Variants in CHID1 observed in about 807,000 individuals in gnomAD.
The protein encoded by CHID1 is chitinase domain containing 1.
A neutral mutation model predicts 55.4 loss-of-function variants in CHID1; 44 were observed. The observed-to-expected ratio is 0.79, with a 90% CI of 0.62 to 1.02. The LOEUF (loss-of-function observed/expected upper bound fraction) is 1.02, where lower values mean the gene tolerates loss of function less well. Among genes scored for constraint, CHID1 ranks in the 50% least tolerant of loss-of-function variants. CHID1 has a pLI of 0.00. For synonymous variants in CHID1, 216 were observed against 212.9 expected (o/e 1.01, Z -0.13); for missense variants, 491 against 515.3 (o/e 0.95, Z 0.46).
intron 7 of CHID1, among the ~76,000 whole-genome samples, chr11:896,380 A>ATG (rs1851291712): frequency 2.7e-5 from 2 of 75,258 alleles, no homozygotes; most frequent in Non-Finnish European, 2.5e-5. Flanking sequence ...TAGACACAAC[A>ATG]AGCCTGTCTC....
chr11:909,408 A>AC (rs1480029420), intron 1 of CHID1, among the ~76,000 whole-genome samples: 1 of 152,152 alleles, frequency 6.6e-6, no homozygotes, highest in Non-Finnish European at 1.5e-5. Context: ...GGTCCCAGAA[A>AC]CCGCTCTGTA....
At chr11:904,029 C>T (rs758308055) in intron 2 of CHID1, among the ~76,000 whole-genome samples, 4 of 152,218 alleles carry the variant, frequency 2.6e-5, no homozygotes, top group Non-Finnish European at 5.9e-5. Context: ...GCCCCTACTC[C>T]ACCTCTGCTC....
chr11:892,935 C>T (rs1195055059), intron 8 of CHID1, among the ~76,000 whole-genome samples: 1 of 152,224 alleles, frequency 6.6e-6, no homozygotes, highest in South Asian at 2.1e-4. Flanking sequence ...TCTGTGAGTC[C>T]CTCTAGCCAA....
Position 883,135 on chromosome 11 carries a change from G to A in CHID1, c.959+13C>T. 1 of 1,606,360 alleles carries A rather than the reference G, an allele frequency of 6.2e-7. No individual in the cohort carries two copies. The highest frequency in any genetic ancestry group is 8.5e-7 in the Non-Finnish European group (1 of 1,173,846). On this transcript the variant is annotated intron_variant, in intron 10 of 12. Coordinates refer to ENST00000323578, the MANE Select transcript of CHID1 (RefSeq NM_023947.4). Reference sequence around the variant, plus strand: ...TGACACCTTCAGCACGGCAGGGAGAGCCCTTGGCTCACCTGGCCCCGACAA... The same window carrying A: ...TGACACCTTCAGCACGGCAGGGAGAACCCTTGGCTCACCTGGCCCCGACAA...
chr11:899,305 A>G (rs1389241749), intron 7 of CHID1, 35 bp downstream of exon 7: 1 of 1,572,376 alleles, frequency 6.4e-7, no homozygotes, highest in South Asian at 1.2e-5. Context: ...CAGGGCCAGG[A>G]GGAGGGCCAC....
At chr11:901,167 A>T (rs187962329) in intron 4 of CHID1, among the ~76,000 whole-genome samples, 187 bp from the exon 5 acceptor site, 1 of 151,118 alleles carries the variant, frequency 6.6e-6, no homozygotes. Flanking sequence ...CCTGACCCCA[A>T]CTCTCCACCC....
intron 1 of CHID1, among the ~76,000 whole-genome samples, chr11:906,748 C>G (rs185577209): frequency 1.2e-4 from 18 of 152,262 alleles, no homozygotes. Context: ...AAAAAAGTAG[C>G]CTGGGCGCGG....
chr11:889,163 C>T (rs974929532), intron 8 of CHID1, among the ~76,000 whole-genome samples: 5 of 152,158 alleles, frequency 3.3e-5, no homozygotes, highest in Non-Finnish European at 7.4e-5. Context: ...TCCAGAACAG[C>T]GTCCTCCCAG....
At chr11:899,460 G>C in intron 6 of CHID1, 59 bp from the exon 7 acceptor site, 1 of 1,497,268 alleles carries the variant, frequency 6.7e-7, no homozygotes, top group South Asian at 1.2e-5. Context: ...TGGGTGGAAA[G>C]ACAAGAAGCC....
rs556306409 is a variant in CHID1 at position 875,132 on chromosome 11, C to A, written c.960-4633G>T. 2.0e-5 allele frequency among the ~76,000 whole-genome samples: 3 copies of A among 152,248 alleles called. No individual in the cohort carries two copies. In the South Asian group the frequency reaches 6.2e-4, roughly 31 times the overall value. On this transcript the variant is annotated intron_variant, in intron 10 of 12. Transcript: ENST00000323578. The surrounding 1 kb of genome is among the most constrained non-coding windows in gnomAD (Gnocchi z 4.7). ...GAGGCCCCCAGTGCCAGGCCCAGGC[C>A]CCCTCCTGAAGGGAGGACATAGCTG...
rs1447979399 is a variant in CHID1, at chr11:868,659, C to T, written c.*1199G>A. 6.6e-6 allele frequency: 1 copy of T among 152,210 alleles called. No homozygotes were observed. The highest frequency in any genetic ancestry group is 1.5e-5 in the Non-Finnish European group (1 of 68,052). The allele number at this position is 152,210 out of a possible 1,614,324, so 9.4% of individuals were successfully genotyped here. A position where few individuals can be genotyped will look rare whatever the true frequency, so the allele number is the denominator to read the frequency against. ...CTTGGGTCCGACCCAGGACCCCCTC[C>T]CCAGCTCCCGTCCTGTGGAGGAGAC... On this transcript the variant is annotated 3_prime_UTR_variant, in exon 13 of 13. Transcript: ENST00000323578.
intron 1 of CHID1, among the ~76,000 whole-genome samples, chr11:907,098 C>T (rs1367010255): frequency 6.6e-6 from 1 of 152,190 alleles, no homozygotes; most frequent in Non-Finnish European, 1.5e-5. Context: ...TGTTTCTTCT[C>T]TTTTACTTTA....
intron 8 of CHID1, among the ~76,000 whole-genome samples, chr11:887,723 A>C (rs570178783): frequency 6.6e-6 from 1 of 152,058 alleles, no homozygotes; most frequent in East Asian, 1.9e-4. Context: ...GTCCCGCTTC[A>C]CACGCTGCTA....
At chr11:904,451 C>T (rs776099951) in intron 2 of CHID1, among the ~76,000 whole-genome samples, 8 of 152,198 alleles carry the variant, frequency 5.3e-5, no homozygotes, top group Non-Finnish European at 8.8e-5. Context: ...AAAACAAGCC[C>T]CACGTGGGGT....
At chr11:884,276 C>A in intron 8 of CHID1, 107 bp from the exon 9 acceptor site, 2 of 775,022 alleles carry the variant, frequency 2.6e-6, no homozygotes, top group South Asian at 1.7e-5. Context: ...TCACTTTTCC[C>A]AAGGGGAAAA....
intron 8 of CHID1, among the ~76,000 whole-genome samples, chr11:888,122 C>A (rs1850532444): frequency 6.6e-6 from 1 of 152,268 alleles, no homozygotes; most frequent in Non-Finnish European, 1.5e-5. Context: ...CTTCGGGGCT[C>A]ACGCAGCCAC....
chr11:896,142 C>A (rs893804285), intron 7 of CHID1, among the ~76,000 whole-genome samples: 1 of 141,082 alleles, frequency 7.1e-6, no homozygotes, highest in Non-Finnish European at 1.5e-5. Flanking sequence ...ACCCCAGACA[C>A]GAGCCTGTCT....
In CHID1 at chr11:910,780, T is replaced by TA. The variant is rs754819382; in HGVS notation, c.-50_-49insT. ...CCGGCCGCCGCGGGGCTCACCTGCA[T>TA]GTCAGGGAGGCCGGACGGCCACAAA... is the stretch of plus-strand genomic sequence containing the variant. On this transcript the variant is annotated 5_prime_UTR_variant, in exon 1 of 13. Transcript: ENST00000323578. The TA allele has an allele frequency of 1.7e-3, 1,907 of 1,130,444 alleles. 3 individuals carry two copies. Among genetic ancestry groups the TA allele is most frequent in the South Asian group, 3.4e-3 (196 of 57,764 alleles). The allele number at this position is 1,130,444 out of a possible 1,614,324, so 70.0% of individuals were successfully genotyped here. A position where few individuals can be genotyped will look rare whatever the true frequency, so the allele number is the denominator to read the frequency against.
In CHID1 at chr11:870,177, G is replaced by A; in HGVS notation, c.1041-14C>T. 6.2e-7 allele frequency: 1 copy of A among 1,613,136 alleles called. No homozygotes were observed. Among genetic ancestry groups the A allele is most frequent in the Non-Finnish European group, 8.5e-7 (1 of 1,179,968 alleles). ...CCACTGCGGCTCCTGCAAGACAAAG[G>A]GACTGTCAGCCCATCCGCTCTGCTG... On this transcript the variant is annotated splice_polypyrimidine_tract_variant and intron_variant, in intron 11 of 12. Transcript: ENST00000323578.
Sources: allele counts gnomAD v4.1 joint callset (sites outside exome capture counted in the v4.1 genomes callset), GRCh38; gene constraint gnomAD v4.1.1; non-coding constraint Gnocchi (gnomAD v3.1); transcripts MANE v1.5; gene names NCBI Gene and HGNC (gene_info 2026-07-23, HGNC 2026-07-21).